Variants in GRK5 observed in about 807,000 individuals in gnomAD.
GRK5 encodes G protein-coupled receptor kinase 5.
Under a neutral mutation model 78.4 loss-of-function variants are expected in GRK5, and 40 were observed. The observed-to-expected ratio is 0.51, with a 90% CI of 0.40 to 0.66. GRK5 has a LOEUF of 0.66. Ranked by LOEUF, GRK5 falls within the 30% of genes least tolerant of loss-of-function variation. The pLI, the probability that GRK5 is intolerant of heterozygous loss-of-function variation, is 0.00. For synonymous variants in GRK5, 289 were observed against 296.8 expected (o/e 0.97, Z 0.27); for missense variants, 598 against 759.9 (o/e 0.79, Z 2.50).
At chr10:119,443,051 A>G (rs1853070213) in intron 11 of GRK5, among the ~76,000 whole-genome samples, 2 of 152,172 alleles carry the variant, frequency 1.3e-5, no homozygotes, top group South Asian at 2.1e-4. Flanking sequence ...GTGTGGATGC[A>G]TTTCCCTCCA....
intron 2 of GRK5, among the ~76,000 whole-genome samples, chr10:119,346,253 A>C (rs17098739): frequency 0.048 from 7,281 of 152,312 alleles, 347 homozygotes; most frequent in East Asian, 0.25. Flanking sequence ...GCATCGCCGC[A>C]GCGGGGCCGA....
intron 4 of GRK5, among the ~76,000 whole-genome samples, chr10:119,417,824 G>C (rs979736793): frequency 6.6e-6 from 1 of 152,130 alleles, no homozygotes; most frequent in African/African-American, 2.4e-5. Context: ...TTCGGTGGGG[G>C]GTCTGCCCTA....
At chr10:119,273,431 C>T (rs956408728) in intron 1 of GRK5, among the ~76,000 whole-genome samples, 19 of 152,172 alleles carry the variant, frequency 1.2e-4, no homozygotes, top group Non-Finnish European at 1.5e-4. Context: ...CTACGTGTGA[C>T]GTTTAAAACA....
At chr10:119,406,456 G>A (rs769358307) in intron 4 of GRK5, 19 of 964,416 alleles carry the variant, frequency 2.0e-5, no homozygotes, top group Non-Finnish European at 2.3e-5. Flanking sequence ...AATATGGGAA[G>A]CTTGGGCAAA....
intron 1 of GRK5, among the ~76,000 whole-genome samples, chr10:119,292,983 A>C (rs1157601376): frequency 6.6e-6 from 1 of 152,190 alleles, no homozygotes; most frequent in Non-Finnish European, 1.5e-5. Flanking sequence ...AATACTGGGA[A>C]ACTTCAAGCT....
In GRK5 at chr10:119,412,130, C is replaced by T. The variant is rs1446477822; in HGVS notation, c.340-11036C>T. On this transcript the variant is annotated intron_variant, in intron 4 of 15. Coordinates refer to ENST00000392870, the MANE Select transcript of GRK5 (RefSeq NM_005308.3). This position sits in a 1 kb window ranked among gnomAD's most constrained non-coding sequence, Gnocchi z 4.3. The stretch of plus-strand genomic sequence containing the variant: ...CCTCCCAAAGTGCTGGGATTCCAGG[C>T]GTGAGCCACTGCGCCCGGCCTCAGA... Among the ~76,000 whole-genome samples the T allele has an allele frequency of 2.6e-5, 4 of 152,096 alleles. No individual in the cohort carries two copies. The East Asian group carries it at 5.8e-4, about 22-fold the overall frequency.
rs1853440199 is a variant in GRK5 at position 119,458,794 on chromosome 10, G to A, written c.*3727G>A. The A allele has an allele frequency of 6.6e-6, 1 of 152,200 alleles. No homozygotes were observed. Among genetic ancestry groups the A allele is most frequent in the Non-Finnish European group, 1.5e-5 (1 of 68,052 alleles). The allele number at this position is 152,200 out of a possible 1,614,324, so 9.4% of individuals were successfully genotyped here. A position where few individuals can be genotyped will look rare whatever the true frequency, so the allele number is the denominator to read the frequency against. The stretch of plus-strand genomic sequence containing the variant: ...CTCCACACCCTGTCCTTTCCCCAAA[G>A]GCTCGTGTTATCAGTTCCAGCTACC... On this transcript the variant is annotated 3_prime_UTR_variant, in exon 16 of 16. Transcript: ENST00000392870.
At chr10:119,428,118 G>T (rs1236792476) in intron 6 of GRK5, among the ~76,000 whole-genome samples, 1 of 152,234 alleles carries the variant, frequency 6.6e-6, no homozygotes, top group Non-Finnish European at 1.5e-5. Context: ...CCATGCCCAC[G>T]CCCGGTTCTG....
chr10:119,385,707 A>T (rs1258427354), intron 3 of GRK5, among the ~76,000 whole-genome samples: 1 of 152,160 alleles, frequency 6.6e-6, no homozygotes, highest in African/African-American at 2.4e-5. Flanking sequence ...TGGAGTAAGG[A>T]TGAGGCTGCA....
chr10:119,311,923 T>C (rs1850366384), intron 1 of GRK5, among the ~76,000 whole-genome samples: 1 of 150,924 alleles, frequency 6.6e-6, no homozygotes, highest in African/African-American at 2.4e-5. Context: ...CATTTTTTTT[T>C]TTTTTTTTTT....
At chr10:119,262,635 C>G (rs1849431705) in intron 1 of GRK5, among the ~76,000 whole-genome samples, 2 of 152,130 alleles carry the variant, frequency 1.3e-5, no homozygotes, top group South Asian at 4.1e-4. Flanking sequence ...GCCACCGTGC[C>G]TGGCCTAACT....
chr10:119,353,926 TTC>T (rs1350351371), intron 2 of GRK5, among the ~76,000 whole-genome samples: 1 of 127,224 alleles, frequency 7.9e-6, no homozygotes, highest in Non-Finnish European at 1.7e-5. Flanking sequence ...AATCCATTTT[TTC>T]TTTCTTTTTT....
In GRK5 at chr10:119,455,268, C is replaced by G. The variant is rs752781343; in HGVS notation, c.*201C>G. ...TCAGGTCTGTTTTCCGAGGCGGCCC[C>G]GGCCGGGGTGGATTGGATTTGTCTT... is the stretch of plus-strand genomic sequence containing the variant. On this transcript the variant is annotated 3_prime_UTR_variant, in exon 16 of 16. Transcript: ENST00000392870. The G allele has an allele frequency of 2.9e-6, 2 of 699,050 alleles. No homozygotes were observed. The highest frequency in any genetic ancestry group is 3.5e-5 in the African/African-American group (2 of 57,190). 43.3% of individuals were successfully genotyped at this position (699,050 alleles called of 1,614,324 possible). A position where few individuals can be genotyped will look rare whatever the true frequency, so the allele number is the denominator to read the frequency against.
chr10:119,275,611 T>TCGCG (rs1554901477), intron 1 of GRK5, among the ~76,000 whole-genome samples: 7 of 123,968 alleles, frequency 5.6e-5, no homozygotes, highest in Non-Finnish European at 1.7e-5. Flanking sequence ...TCTCTCTCTC[T>TCGCG]CGCACACACA....
At chr10:119,394,232 G>C (rs111217678) in intron 3 of GRK5, among the ~76,000 whole-genome samples, 2 of 21,498 alleles carry the variant, frequency 9.3e-5, no homozygotes, top group African/African-American at 1.9e-4. Flanking sequence ...GTGGGTGTGG[G>C]TGTGTGGGTG....
intron 1 of GRK5, among the ~76,000 whole-genome samples, chr10:119,320,509 C>T (rs116990934): frequency 0.014 from 2,064 of 152,342 alleles, 29 homozygotes; most frequent in Non-Finnish European, 0.022. Context: ...GACAGACAGA[C>T]TGACCGACCA....
intron 1 of GRK5, among the ~76,000 whole-genome samples, chr10:119,318,768 T>G (rs941485280): frequency 2.6e-5 from 4 of 152,122 alleles, no homozygotes; most frequent in African/African-American, 9.7e-5. Flanking sequence ...TTCTCCCTTC[T>G]GTTCTCCACA....
At chr10:119,332,260 C>T (rs1472566757) in intron 2 of GRK5, among the ~76,000 whole-genome samples, 1 of 152,094 alleles carries the variant, frequency 6.6e-6, no homozygotes, top group Admixed American at 6.6e-5. Flanking sequence ...ACGTGCACTA[C>T]CATGCCCAGC....
chr10:119,416,813 C>G (rs1361071140), intron 4 of GRK5, among the ~76,000 whole-genome samples: 2 of 152,104 alleles, frequency 1.3e-5, no homozygotes. Flanking sequence ...AGGCTGGACT[C>G]GAACTCCTGA....
Sources: allele counts gnomAD v4.1 joint callset (sites outside exome capture counted in the v4.1 genomes callset), GRCh38; gene constraint gnomAD v4.1.1; non-coding constraint Gnocchi (gnomAD v3.1); transcripts MANE v1.5; gene names NCBI Gene and HGNC (gene_info 2026-07-23, HGNC 2026-07-21).